FOXN3: variants seen among roughly 807,000 people sequenced by gnomAD.
FOXN3 encodes the protein forkhead box N3, also known as forkhead box protein N3.
Under a neutral mutation model 38.4 loss-of-function variants are expected in FOXN3, and 7 were observed. That is an observed-to-expected ratio of 0.18 (90% CI 0.10 to 0.34). FOXN3 has a LOEUF of 0.34. Among genes scored for constraint, FOXN3 ranks in the 10% least tolerant of loss-of-function variants. The pLI is 1.00. For missense variants in FOXN3, 456 were observed against 613.4 expected (o/e 0.74, Z 2.71); for synonymous variants, 230 against 242.2 (o/e 0.95, Z 0.47).
intron 1 of FOXN3, among the ~76,000 whole-genome samples, chr14:89,471,458 T>A (rs1232462381): frequency 6.6e-6 from 1 of 152,012 alleles, no homozygotes; most frequent in Non-Finnish European, 1.5e-5. Flanking sequence ...TTATATTTTT[T>A]AATTAGCCAG....
intron 4 of FOXN3, among the ~76,000 whole-genome samples, chr14:89,183,079 T>C (rs1170495323): frequency 1.3e-5 from 2 of 152,228 alleles, no homozygotes; most frequent in South Asian, 2.1e-4. Flanking sequence ...GCAGAACTCT[T>C]GTAGATAGAT....
intron 4 of FOXN3, among the ~76,000 whole-genome samples, chr14:89,240,214 T>G (rs2139865339): frequency 6.6e-6 from 1 of 151,792 alleles, no homozygotes; most frequent in African/African-American, 2.4e-5. Flanking sequence ...TCCCCAGAAC[T>G]GACCAGCACT....
intron 2 of FOXN3, chr14:89,364,803 C>T (rs1262877331): frequency 6.6e-6 from 1 of 152,208 alleles, no homozygotes; most frequent in Non-Finnish European, 1.5e-5. Context: ...CAGAACGCCC[C>T]TCCATCTGCA....
rs539148207 is a variant in FOXN3 at position 89,310,615 on chromosome 14, G to A, written c.681-29601C>T. 6.6e-5 allele frequency among the ~76,000 whole-genome samples: 10 copies of A among 152,264 alleles called. No homozygotes were observed. In the South Asian group the frequency reaches 2.1e-3, roughly 32 times the overall value. On this transcript the variant is annotated intron_variant, in intron 3 of 5. Coordinates refer to ENST00000557258, the MANE Select transcript of FOXN3 (RefSeq NM_005197.4). ...TAACAAAAGGGTCCATCATGCAAAT[G>A]GAATTATTACAGACAAGGATGAAAA...
chr14:89,473,928 TAAAA>T (rs796656315), intron 1 of FOXN3, among the ~76,000 whole-genome samples: 1 of 145,778 alleles, frequency 6.9e-6, no homozygotes, highest in Non-Finnish European at 1.5e-5. Context: ...TCTCCCACGC[TAAAA>T]AAAAAAATAA....
rs374681126 is a variant in FOXN3, at chr14:89,464,822, C to T, written c.-14-52332G>A. The stretch of plus-strand genomic sequence containing the variant: ...AAGCGATTCTCCTGCCTCAGCCTCT[C>T]GAATAGCTGGGATTACAGCTGCCCA... On this transcript the variant is annotated intron_variant, in intron 1 of 6. Coordinates refer to the FOXN3 transcript ENST00000345097. 3.5e-4 allele frequency among the ~76,000 whole-genome samples: 54 copies of T among 152,200 alleles called. No individual in the cohort carries two copies. In the East Asian group the frequency reaches 7.4e-3, roughly 21 times the overall value.
rs1462041397 is a variant in FOXN3 at position 89,559,640 on chromosome 14, G to C, written c.-15+59388C>G. 2.0e-5 allele frequency among the ~76,000 whole-genome samples: 3 copies of C among 152,008 alleles called. No individual in the cohort carries two copies. The East Asian group carries it at 5.8e-4, about 29-fold the overall frequency. ...GCAGTGAGCCAAGATTGCGCCACTG[G>C]ACTCCAGCCTGGTGACAAAGCAAGA... On this transcript the variant is annotated intron_variant, in intron 1 of 6. Coordinates refer to the FOXN3 transcript ENST00000345097.
At chr14:89,271,140 A>C (rs1443140003) in intron 4 of FOXN3, among the ~76,000 whole-genome samples, 1 of 152,214 alleles carries the variant, frequency 6.6e-6, no homozygotes. Context: ...CAAGGGAACC[A>C]AACAGGAACA....
At chr14:89,206,309 G>A (rs1180131946) in intron 4 of FOXN3, among the ~76,000 whole-genome samples, 1 of 152,202 alleles carries the variant, frequency 6.6e-6, no homozygotes, top group Non-Finnish European at 1.5e-5. Flanking sequence ...AAGGAGGTGA[G>A]CTCGGGCCAA....
intron 1 of FOXN3, among the ~76,000 whole-genome samples, chr14:89,510,460 C>A (rs1894034748): frequency 6.6e-6 from 1 of 152,120 alleles, no homozygotes; most frequent in African/African-American, 2.4e-5. Flanking sequence ...GGGTGTGTGT[C>A]CATTGCAGCT....
intron 1 of FOXN3, among the ~76,000 whole-genome samples, chr14:89,587,116 G>A (rs1203976259): frequency 2.0e-5 from 3 of 152,252 alleles, no homozygotes; most frequent in East Asian, 1.9e-4. Context: ...TCCAGAGGCC[G>A]TGTGAAGGCA....
At chr14:89,327,360 G>A (rs1375273215) in intron 3 of FOXN3, among the ~76,000 whole-genome samples, 1 of 152,136 alleles carries the variant, frequency 6.6e-6, no homozygotes, top group Non-Finnish European at 1.5e-5. Context: ...CCATCTTTGG[G>A]GTTACCAGCC....
intron 2 of FOXN3, among the ~76,000 whole-genome samples, chr14:89,364,053 T>C (rs1021171589): frequency 2.0e-5 from 3 of 146,924 alleles, no homozygotes; most frequent in African/African-American, 7.7e-5. Flanking sequence ...AGGCCCTTCA[T>C]TTTCTAAAAT....
intron 1 of FOXN3, among the ~76,000 whole-genome samples, chr14:89,517,811 C>T (rs978522881): frequency 6.6e-6 from 1 of 152,194 alleles, no homozygotes; most frequent in African/African-American, 2.4e-5. Flanking sequence ...CTCCCTGCTA[C>T]CAAGATCAAT....
At chr14:89,367,477 C>G (rs886133511) in intron 2 of FOXN3, among the ~76,000 whole-genome samples, 1 of 152,124 alleles carries the variant, frequency 6.6e-6, no homozygotes, top group Non-Finnish European at 1.5e-5. Context: ...GCGTTCTTGT[C>G]AGCGCTGGGT....
chr14:89,389,144 G>A (rs183607689), intron 2 of FOXN3, among the ~76,000 whole-genome samples: 2 of 152,102 alleles, frequency 1.3e-5, no homozygotes, highest in Admixed American at 6.5e-5. Context: ...GGCCCGTTTG[G>A]GAGGAATTTG....
At chr14:89,546,749 A>G (rs1356175615) in intron 1 of FOXN3, among the ~76,000 whole-genome samples, 1 of 149,250 alleles carries the variant, frequency 6.7e-6, no homozygotes, top group Non-Finnish European at 1.5e-5. Context: ...ACACATATGC[A>G]TACACATACG....
chr14:89,274,506 T>C (rs1886240588), intron 4 of FOXN3, among the ~76,000 whole-genome samples: 1 of 152,168 alleles, frequency 6.6e-6, no homozygotes, highest in Non-Finnish European at 1.5e-5. Context: ...CACAAAGACC[T>C]TGGGCCTCAG....
intron 4 of FOXN3, chr14:89,223,118 G>T (rs925574494): frequency 5.3e-5 from 8 of 152,238 alleles, no homozygotes; most frequent in African/African-American, 1.7e-4. Flanking sequence ...TTTACTTACT[G>T]GTCTGTTATT....
Sources: gnomAD v4.1 joint callset for allele counts (sites outside exome capture counted in the v4.1 genomes callset) on GRCh38, gnomAD v4.1.1 for gene constraint, MANE v1.5 for transcripts, NCBI Gene and HGNC (gene_info 2026-07-23, HGNC 2026-07-21) for gene names.